EML5: variants seen among roughly 807,000 people sequenced by gnomAD.
The protein encoded by EML5 is echinoderm microtubule-associated protein-like 5.
A neutral mutation model predicts 250.0 loss-of-function variants in EML5; 120 were observed. The observed-to-expected ratio is 0.48, with a 90% confidence interval of 0.41 to 0.56. The LOEUF (loss-of-function observed/expected upper bound fraction) is 0.56, where lower values mean the gene tolerates loss of function less well. Ranked by LOEUF, EML5 falls within the 20% of genes least tolerant of loss-of-function variation. EML5 has a pLI of 0.00. For synonymous variants in EML5, 771 were observed against 806.5 expected (o/e 0.96, Z 0.75); for missense variants, 2,006 against 2,437.6 (o/e 0.82, Z 3.73).
chr14:88,745,429 T>A (rs2093991345), intron 3 of EML5, among the ~76,000 whole-genome samples: 2 of 152,000 alleles, frequency 1.3e-5, no homozygotes, highest in South Asian at 4.1e-4. Context: ...TAGTATAATA[T>A]TTAATTAAAA....
intron 1 of EML5, among the ~76,000 whole-genome samples, chr14:88,757,714 C>T (rs943034362): frequency 1.3e-5 from 2 of 152,270 alleles, no homozygotes; most frequent in East Asian, 3.9e-4. Flanking sequence ...TAAAAAGATG[C>T]TCAACATCAA....
chr14:88,668,045 C>A (rs2092354057), intron 21 of EML5, among the ~76,000 whole-genome samples: 1 of 152,220 alleles, frequency 6.6e-6, no homozygotes, highest in South Asian at 2.1e-4. Context: ...GTTCTGGTGG[C>A]AGCCACACCA....
Position 88,696,927 on chromosome 14 carries a change from A to G in EML5, c.2264T>C (p.Ile755Thr). The G allele has an allele frequency of 6.3e-7, 1 of 1,599,418 alleles. No individual in the cohort carries two copies. Residue 755 changes from isoleucine (I) to threonine (T), a missense_variant, in exon 15 of 44, where the codon ATA (isoleucine) becomes ACA (threonine). Physicochemically the swap from Ile to Thr is moderately conservative, Grantham distance 89. Coordinates refer to ENST00000554922, the MANE Select transcript of EML5 (RefSeq NM_183387.3). The stretch of plus-strand genomic sequence containing the variant: ...TGGTTTAATGGTCTCTGTATCCCAT[A>G]TATGAATTGAGGGATCTCTACCAAC... ...GQVGRDPSIH[I>T]WDTETIKPLS...
intron 14 of EML5, among the ~76,000 whole-genome samples, chr14:88,700,902 T>C (rs2093194702): frequency 6.6e-6 from 1 of 152,178 alleles, no homozygotes; most frequent in Non-Finnish European, 1.5e-5. Context: ...ATGTCCATAA[T>C]GCATTCTAAG....
intron 7 of EML5, among the ~76,000 whole-genome samples, chr14:88,731,226 C>G (rs903697391): frequency 2.2e-5 from 3 of 137,064 alleles, no homozygotes; most frequent in East Asian, 2.3e-4. Flanking sequence ...CCCCTCCCCC[C>G]ACCCCATGAC....
At chr14:88,683,468 C>T (rs2092759797) in intron 20 of EML5, among the ~76,000 whole-genome samples, 1 of 152,056 alleles carries the variant, frequency 6.6e-6, no homozygotes, top group South Asian at 2.1e-4. Context: ...GATGAGGGAA[C>T]CCTTCCTGAA....
intron 7 of EML5, among the ~76,000 whole-genome samples, chr14:88,733,512 C>T (rs1172441323): frequency 6.6e-6 from 1 of 152,180 alleles, no homozygotes; most frequent in African/African-American, 2.4e-5. Flanking sequence ...TGAACAATTA[C>T]TTTTTAAAGA....
rs368135566 is a variant in EML5, at chr14:88,679,965, C to T, written c.3124+1925G>A. Among the ~76,000 whole-genome samples the T allele has an allele frequency of 1.2e-4, 19 of 152,230 alleles. 1 individual carries two copies. The South Asian group carries it at 2.5e-3, about 20-fold the overall frequency. ...TTAATTACTTTTCAACTCAATAATA[C>T]TATCATTAATAAACTTTGCTCCTTA... On this transcript the variant is annotated intron_variant, in intron 21 of 43. Transcript: ENST00000554922.
intron 28 of EML5, among the ~76,000 whole-genome samples, chr14:88,647,322 T>G (rs138623577): frequency 6.6e-6 from 1 of 151,642 alleles, no homozygotes; most frequent in Non-Finnish European, 1.5e-5. Context: ...CAAGACTGCA[T>G]GCGCCACTGC....
At chr14:88,629,799 T>C (rs2090324658) in intron 33 of EML5, among the ~76,000 whole-genome samples, 2 of 152,150 alleles carry the variant, frequency 1.3e-5, no homozygotes, top group African/African-American at 2.4e-5. Context: ...ACAGGTATGC[T>C]GTTCTCAGTA....
At chr14:88,758,577 G>A (rs2094195502) in intron 1 of EML5, among the ~76,000 whole-genome samples, 1 of 152,174 alleles carries the variant, frequency 6.6e-6, no homozygotes, top group African/African-American at 2.4e-5. Flanking sequence ...TTGATTATGG[G>A]ATTGTAAAAT....
At chr14:88,698,248 T>A (rs1005301559) in intron 14 of EML5, among the ~76,000 whole-genome samples, 6 of 149,816 alleles carry the variant, frequency 4.0e-5, no homozygotes, top group African/African-American at 7.4e-5. Flanking sequence ...ACTACTCTCT[T>A]CTGGTTCTCC....
At chr14:88,690,702 C>T (rs182823473) in intron 17 of EML5, among the ~76,000 whole-genome samples, 2 of 152,112 alleles carry the variant, frequency 1.3e-5, no homozygotes, top group African/African-American at 2.4e-5. Context: ...TTTAAGATGG[C>T]GAAATCACAT....
chr14:88,741,177 T>A (rs930773342), intron 4 of EML5, among the ~76,000 whole-genome samples: 58 of 150,838 alleles, frequency 3.8e-4, no homozygotes, highest in Non-Finnish European at 1.5e-4. Context: ...AAAAAAAAAT[T>A]TTAGGTTAAA....
intron 1 of EML5, among the ~76,000 whole-genome samples, chr14:88,770,833 AT>A (rs1389229906): frequency 2.0e-5 from 3 of 152,214 alleles, no homozygotes; most frequent in Non-Finnish European, 4.4e-5. Flanking sequence ...ATTCTAAAAC[AT>A]TTAACAAGAT....
At chr14:88,780,598 G>A (rs1021015086) in intron 1 of EML5, among the ~76,000 whole-genome samples, 10 of 151,750 alleles carry the variant, frequency 6.6e-5, no homozygotes, top group African/African-American at 2.4e-4. Context: ...TTAAGATGGA[G>A]TCTCACTCAC....
At chr14:88,632,430 C>T (rs1036843221) in intron 33 of EML5, among the ~76,000 whole-genome samples, 1 of 152,172 alleles carries the variant, frequency 6.6e-6, no homozygotes, top group Non-Finnish European at 1.5e-5. Flanking sequence ...CAGTGACAGC[C>T]TCTGCACTTA....
At position 88,620,994 on chromosome 14, in the gene EML5, A is replaced by C; in HGVS notation, c.5203-68T>G. 1 of 1,470,980 alleles carries C rather than the reference A, an allele frequency of 6.8e-7. No homozygotes were observed. The highest frequency in any genetic ancestry group is 9.0e-7 in the Non-Finnish European group (1 of 1,112,824). The allele number at this position is 1,470,980 out of a possible 1,614,324, so 91.1% of individuals were successfully genotyped here. A position where few individuals can be genotyped will look rare whatever the true frequency, so the allele number is the denominator to read the frequency against. Reference sequence around the variant, plus strand: ...AAGTGAAGTACTTCTAAATTATACCAGTTTCCCCTCAAAATGCTCAACAGA... The same window carrying C: ...AAGTGAAGTACTTCTAAATTATACCCGTTTCCCCTCAAAATGCTCAACAGA... On this transcript the variant is annotated intron_variant, in intron 38 of 43. Transcript: ENST00000554922. This position sits in a 1 kb window ranked among gnomAD's most constrained non-coding sequence, Gnocchi z 4.3.
intron 1 of EML5, among the ~76,000 whole-genome samples, chr14:88,785,656 T>G (rs903482115): frequency 6.6e-6 from 1 of 152,188 alleles, no homozygotes; most frequent in Non-Finnish European, 1.5e-5. Flanking sequence ...ACAATTTATA[T>G]GTGATCCATT....
Sources: gnomAD v4.1 joint callset for allele counts (sites outside exome capture counted in the v4.1 genomes callset) on GRCh38, gnomAD v4.1.1 for gene constraint, Gnocchi (gnomAD v3.1) non-coding constraint, MANE v1.5 for transcripts, NCBI Gene and HGNC (gene_info 2026-07-23, HGNC 2026-07-21) for gene names.